Variants in AGBL4 observed in about 807,000 individuals in gnomAD.
AGBL4 encodes AGBL carboxypeptidase 4.
A neutral mutation model predicts 66.4 loss-of-function variants in AGBL4; 58 were observed. The ratio of observed to expected loss-of-function variants is 0.87; its 90% confidence interval spans 0.71 to 1.09. The LOEUF (loss-of-function observed/expected upper bound fraction) is 1.09, where lower values mean the gene tolerates loss of function less well. AGBL4 is among the 50% of genes least tolerant of loss of function. The pLI is 0.00. For missense variants in AGBL4, 579 were observed against 631.0 expected (o/e 0.92, Z 0.88); for synonymous variants, 234 against 222.9 (o/e 1.05, Z -0.44).
At chr1:49,607,077 A>G (rs1207169349) in intron 3 of AGBL4, among the ~76,000 whole-genome samples, 4 of 152,140 alleles carry the variant, frequency 2.6e-5, no homozygotes, top group Admixed American at 1.3e-4. Flanking sequence ...TGGTATTCAT[A>G]TAATAAAAGG....
intron 3 of AGBL4, among the ~76,000 whole-genome samples, chr1:49,420,385 T>A (rs1156853220): frequency 6.6e-6 from 1 of 152,042 alleles, no homozygotes; most frequent in Non-Finnish European, 1.5e-5. Flanking sequence ...GATAAACATC[T>A]AAGAAGATAA....
At chr1:49,149,809 C>T (rs946228869) in intron 4 of AGBL4, among the ~76,000 whole-genome samples, 2 of 152,124 alleles carry the variant, frequency 1.3e-5, no homozygotes, top group African/African-American at 4.8e-5. Context: ...CCCCAAAAAG[C>T]CATGCATTGT....
intron 1 of AGBL4, among the ~76,000 whole-genome samples, chr1:49,886,114 T>C (rs6682397): frequency 0.022 from 3,305 of 152,274 alleles, 109 homozygotes; most frequent in African/African-American, 0.074. Flanking sequence ...AGGAATCACT[T>C]ACACCTTTTT....
At chr1:48,595,835 G>A (rs1644986809) in intron 9 of AGBL4, among the ~76,000 whole-genome samples, 1 of 152,110 alleles carries the variant, frequency 6.6e-6, no homozygotes, top group Admixed American at 6.6e-5. Flanking sequence ...CTCTGATGTG[G>A]GGCCGTATCC....
chr1:49,290,710 A>G (rs553196479), intron 3 of AGBL4, among the ~76,000 whole-genome samples: 73 of 152,304 alleles, frequency 4.8e-4, no homozygotes, highest in African/African-American at 1.8e-3. Context: ...CAGATCACAT[A>G]CATAGTACTC....
intron 5 of AGBL4, among the ~76,000 whole-genome samples, chr1:48,953,134 A>G (rs755233227): frequency 5.9e-5 from 9 of 152,202 alleles, no homozygotes; most frequent in Non-Finnish European, 1.3e-4. Context: ...TTAAACATAA[A>G]GGGAATTTAT....
chr1:49,487,562 C>A (rs890073725), intron 3 of AGBL4, among the ~76,000 whole-genome samples: 1 of 151,886 alleles, frequency 6.6e-6, no homozygotes, highest in Non-Finnish European at 1.5e-5. Flanking sequence ...TGCTCTCACT[C>A]CGTCCTGCTG....
chr1:49,534,832 C>T (rs1015372243), intron 3 of AGBL4, among the ~76,000 whole-genome samples: 1 of 152,192 alleles, frequency 6.6e-6, no homozygotes, highest in Non-Finnish European at 1.5e-5. Flanking sequence ...CAGATCACAC[C>T]GTGAAGTTCA....
At chr1:49,304,645 G>A (rs535567952) in intron 3 of AGBL4, among the ~76,000 whole-genome samples, 13 of 152,164 alleles carry the variant, frequency 8.5e-5, no homozygotes, top group East Asian at 1.9e-4. Flanking sequence ...GAGAAAATTC[G>A]TATTTAATTT....
At chr1:49,532,372 C>A (rs1483537602) in intron 3 of AGBL4, among the ~76,000 whole-genome samples, 1 of 152,048 alleles carries the variant, frequency 6.6e-6, no homozygotes, top group Non-Finnish European at 1.5e-5. Context: ...GATTCAAATT[C>A]ATGTTTTTGT....
chr1:49,361,034 G>A (rs928496131), intron 3 of AGBL4, among the ~76,000 whole-genome samples: 1 of 152,196 alleles, frequency 6.6e-6, no homozygotes, highest in African/African-American at 2.4e-5. Context: ...CTGATCTCAG[G>A]TGATCTGCCC....
intron 9 of AGBL4, among the ~76,000 whole-genome samples, chr1:48,601,550 C>A (rs1234723073): frequency 6.6e-6 from 1 of 152,194 alleles, no homozygotes; most frequent in African/African-American, 2.4e-5. Context: ...AGCTTGGGGA[C>A]AAGCTTACAT....
intron 1 of AGBL4, among the ~76,000 whole-genome samples, chr1:50,005,994 C>T (rs1661097363): frequency 6.6e-6 from 1 of 152,058 alleles, no homozygotes; most frequent in Non-Finnish European, 1.5e-5. Flanking sequence ...AACATGTCTA[C>T]AAGATCTAGA....
chr1:49,379,561 C>T (rs1001825879), intron 3 of AGBL4, among the ~76,000 whole-genome samples: 2 of 152,050 alleles, frequency 1.3e-5, no homozygotes, highest in African/African-American at 4.8e-5. Flanking sequence ...CCATCAATAC[C>T]TAATTTATTG....
chr1:48,728,770 T>C (rs1570375530), intron 6 of AGBL4, among the ~76,000 whole-genome samples: 1 of 152,202 alleles, frequency 6.6e-6, no homozygotes, highest in African/African-American at 2.4e-5. Context: ...GCCTGGTAAA[T>C]TGCTTTCCAA....
intron 2 of AGBL4, among the ~76,000 whole-genome samples, chr1:49,810,851 C>A (rs975560491): frequency 6.6e-6 from 1 of 151,988 alleles, no homozygotes; most frequent in Non-Finnish European, 1.5e-5. Context: ...AAAACATATA[C>A]AACATATTGA....
At chr1:48,799,114 TC>T (rs1206018658) in intron 6 of AGBL4, among the ~76,000 whole-genome samples, 105 of 152,332 alleles carry the variant, frequency 6.9e-4, no homozygotes, top group African/African-American at 2.4e-3. Flanking sequence ...GGCAGCATGG[TC>T]ATTTTTACAA....
intron 1 of AGBL4, among the ~76,000 whole-genome samples, chr1:50,008,869 C>G (rs553660754): frequency 6.6e-6 from 1 of 152,112 alleles, no homozygotes; most frequent in South Asian, 2.1e-4. Flanking sequence ...GCCATCATGA[C>G]CAACCATATG....
intron 6 of AGBL4, among the ~76,000 whole-genome samples, chr1:48,858,337 C>A (rs1257153115): frequency 6.6e-6 from 1 of 152,122 alleles, no homozygotes; most frequent in Non-Finnish European, 1.5e-5. Flanking sequence ...GGTACATATG[C>A]AAGATAATTA....
Sources: gnomAD v4.1 joint callset for allele counts (sites outside exome capture counted in the v4.1 genomes callset) on GRCh38, gnomAD v4.1.1 for gene constraint, MANE v1.5 for transcripts, NCBI Gene and HGNC (gene_info 2026-07-23, HGNC 2026-07-21) for gene names.